Variants in AK5 observed in about 807,000 individuals in gnomAD.
AK5 encodes the protein adenylate kinase isoenzyme 5.
Under a neutral mutation model 69.5 loss-of-function variants are expected in AK5, and 27 were observed. That is an observed-to-expected ratio of 0.39 (90% CI 0.29 to 0.54). AK5 has a LOEUF of 0.54. Among genes scored for constraint, AK5 ranks in the 20% least tolerant of loss-of-function variants. The pLI, the probability that AK5 is intolerant of heterozygous loss-of-function variation, is 0.71. For missense variants in AK5, 531 were observed against 700.4 expected, an observed-to-expected ratio of 0.76 and a Z score of 2.73; for synonymous variants, 260 against 244.4, an observed-to-expected ratio of 1.06 and a Z score of -0.60.
intron 10 of AK5, among the ~76,000 whole-genome samples, chr1:77,504,409 A>G (rs1015665525): frequency 8.1e-5 from 12 of 148,786 alleles, no homozygotes; most frequent in Non-Finnish European, 1.3e-4. Flanking sequence ...TTTGATTTAT[A>G]TTCCTCTTAG....
intron 1 of AK5, chr1:77,282,975 T>C (rs1275861641): frequency 6.1e-6 from 6 of 985,396 alleles, no homozygotes; most frequent in Non-Finnish European, 6.0e-6. Context: ...CTGAGCACGT[T>C]TTTCCCGTTG....
intron 8 of AK5, among the ~76,000 whole-genome samples, chr1:77,434,095 T>C (rs941521702): frequency 6.2e-5 from 9 of 146,232 alleles, no homozygotes; most frequent in African/African-American, 2.3e-4. Flanking sequence ...ATCAGAAAAA[T>C]AGAGTGCAAA....
Position 77,417,624 on chromosome 1 carries a change from C to T in AK5, c.983-15C>T. On this transcript the variant is annotated splice_polypyrimidine_tract_variant and intron_variant, in intron 7 of 13. Transcript: ENST00000354567. ...GACAACCTCCATCCACTTATCTTTT[C>T]TTTCCTAATCTTAGGTTCAAGTGAC... 1.3e-6 allele frequency: 2 copies of T among 1,566,514 alleles called. No individual in the cohort carries two copies. Among genetic ancestry groups the T allele is most frequent in the Middle Eastern group, 1.7e-4 (1 of 5,952 alleles).
rs1658110737 is a variant in AK5 at position 77,282,412 on chromosome 1, G to A, written c.60+39G>A. ...TGGCCGACGGGCGGTAGCATCCGGG[G>A]ACTGCATCTCAGGGGTTCGGGTTGA... On this transcript the variant is annotated intron_variant, in intron 1 of 13. Transcript: ENST00000354567. 5 of 1,531,332 alleles carry A rather than the reference G, an allele frequency of 3.3e-6. No individual in the cohort carries two copies. The South Asian group carries it at 5.0e-5, about 15-fold the overall frequency. The allele number at this position is 1,531,332 out of a possible 1,614,324, so 94.9% of individuals were successfully genotyped here. A position where few individuals can be genotyped will look rare whatever the true frequency, so the allele number is the denominator to read the frequency against.
chr1:77,542,920 TAA>T (rs544373247), intron 13 of AK5, among the ~76,000 whole-genome samples: 21 of 152,260 alleles, frequency 1.4e-4, no homozygotes, highest in African/African-American at 5.1e-4. Flanking sequence ...ATTAAAAAAA[TAA>T]AAAGAGAGCC....
At position 77,387,677 on chromosome 1, in the gene AK5, T is replaced by C. The variant is rs779648494; in HGVS notation, c.892-23304T>C. Among the ~76,000 whole-genome samples, 40 of 152,198 alleles carry C rather than the reference T, an allele frequency of 2.6e-4. 1 individual carries two copies. Among genetic ancestry groups the C allele is most frequent in the Non-Finnish European group, 3.7e-4 (25 of 68,036 alleles). ...AACCACTGACTGGACCTAGAACGTC[T>C]TCATTTATAGGTGAAGAAGCTTAAT... On this transcript the variant is annotated intron_variant, in intron 6 of 13. Transcript: ENST00000354567.
intron 10 of AK5, among the ~76,000 whole-genome samples, chr1:77,501,814 A>T (rs1656737573): frequency 6.6e-6 from 1 of 152,242 alleles, no homozygotes; most frequent in Admixed American, 6.5e-5. Context: ...TCTCCAAAGA[A>T]GAAAGAATCC....
intron 10 of AK5, among the ~76,000 whole-genome samples, chr1:77,503,950 T>C (rs1264033998): frequency 6.6e-6 from 1 of 150,768 alleles, no homozygotes; most frequent in Non-Finnish European, 1.5e-5. Context: ...CACTGTTTAG[T>C]CTAGTCCTGC....
intron 13 of AK5, among the ~76,000 whole-genome samples, chr1:77,548,914 T>C (rs1048121525): frequency 4.7e-5 from 7 of 149,032 alleles, no homozygotes; most frequent in Non-Finnish European, 8.9e-5. Context: ...TTTTTTTTTT[T>C]TTTTTGAGAC....
intron 10 of AK5, among the ~76,000 whole-genome samples, chr1:77,504,544 C>G (rs1426691097): frequency 6.6e-6 from 1 of 151,956 alleles, no homozygotes. Context: ...AGATAGTATT[C>G]CTGAATATGC....
At chr1:77,288,632 C>A (rs1316820712) in intron 2 of AK5, among the ~76,000 whole-genome samples, 1 of 151,998 alleles carries the variant, frequency 6.6e-6, no homozygotes, top group Non-Finnish European at 1.5e-5. Context: ...GAAAAGAGTC[C>A]TTCACCATTC....
intron 8 of AK5, among the ~76,000 whole-genome samples, chr1:77,428,281 T>C (rs752619730): frequency 2.6e-5 from 4 of 152,212 alleles, no homozygotes; most frequent in Non-Finnish European, 5.9e-5. Flanking sequence ...AAGGAAAATG[T>C]GTGCTGTTCC....
At chr1:77,345,084 G>C (rs773209278) in intron 6 of AK5, among the ~76,000 whole-genome samples, 7 of 151,758 alleles carry the variant, frequency 4.6e-5, no homozygotes, top group South Asian at 2.1e-4. Flanking sequence ...TATTCAGCCA[G>C]AAAAACATGG....
intron 6 of AK5, among the ~76,000 whole-genome samples, chr1:77,397,327 C>G (rs762764500): frequency 2.6e-5 from 4 of 152,172 alleles, no homozygotes; most frequent in Non-Finnish European, 5.9e-5. Context: ...ACCTCCATCA[C>G]AGCCCTTCCC....
intron 5 of AK5, among the ~76,000 whole-genome samples, chr1:77,301,740 T>A (rs991579219): frequency 6.6e-6 from 1 of 152,004 alleles, no homozygotes; most frequent in Admixed American, 6.6e-5. Context: ...TAATAAAGAG[T>A]GGAGGAGCAA....
At chr1:77,512,987 C>T (rs566799624) in intron 10 of AK5, among the ~76,000 whole-genome samples, 28 of 152,202 alleles carry the variant, frequency 1.8e-4, no homozygotes, top group East Asian at 5.8e-4. Context: ...GTGATTATTT[C>T]CCCCCATTTT....
At chr1:77,445,085 G>A (rs1056506160) in intron 8 of AK5, among the ~76,000 whole-genome samples, 8 of 152,090 alleles carry the variant, frequency 5.3e-5, no homozygotes, top group African/African-American at 1.9e-4. Flanking sequence ...GAAAAATGCT[G>A]CAATGAGCAT....
intron 5 of AK5, among the ~76,000 whole-genome samples, chr1:77,333,490 T>A (rs1661191994): frequency 2.6e-5 from 4 of 152,236 alleles, no homozygotes. Flanking sequence ...TTGTTTTGTG[T>A]TTCTTTCCTC....
At chr1:77,535,804 G>A in intron 12 of AK5, 43 bp from the exon 13 acceptor site, 2 of 1,563,912 alleles carry the variant, frequency 1.3e-6, no homozygotes, top group Non-Finnish European at 1.7e-6. Flanking sequence ...AACATCAGCA[G>A]GGTGAGGTTT....
Sources: gnomAD v4.1 joint callset for allele counts (sites outside exome capture counted in the v4.1 genomes callset) on GRCh38, gnomAD v4.1.1 for gene constraint, MANE v1.5 for transcripts, NCBI Gene and HGNC (gene_info 2026-07-23, HGNC 2026-07-21) for gene names.